ARHGAP29: variants seen among roughly 807,000 people sequenced by gnomAD.
The protein encoded by ARHGAP29 is Rho GTPase activating protein 29, also known as rho GTPase-activating protein 29.
ARHGAP29 carries 43 observed loss-of-function variants against 122.6 expected under a neutral mutation model. That is an observed-to-expected ratio of 0.35 (90% CI 0.27 to 0.45). ARHGAP29 has a LOEUF of 0.45. ARHGAP29 is among the 20% of genes least tolerant of loss of function. The probability of loss-of-function intolerance (pLI) is 1.00; values close to 1 mark genes in which losing one functional copy is unlikely to be tolerated. For missense variants in ARHGAP29, 1,303 were observed against 1,477.2 expected (o/e 0.88, Z 1.93); for synonymous variants, 506 against 497.1 (o/e 1.02, Z -0.24).
intron 12 of ARHGAP29, chr1:94,194,621 A>T (rs1650333047): frequency 6.6e-6 from 1 of 152,200 alleles, no homozygotes; most frequent in Non-Finnish European, 1.5e-5. Flanking sequence ...AAGGGTCATG[A>T]GGGCTCCACC....
chr1:94,213,677 T>C (rs996295899), intron 3 of ARHGAP29, among the ~76,000 whole-genome samples: 6 of 152,146 alleles, frequency 3.9e-5, no homozygotes, highest in Admixed American at 3.9e-4. Flanking sequence ...AGTGGATGGG[T>C]TCCGAAGTCA....
chr1:94,245,365 C>T (rs955854285), intron 1 of ARHGAP29, among the ~76,000 whole-genome samples: 1 of 152,144 alleles, frequency 6.6e-6, no homozygotes, highest in African/African-American at 2.4e-5. Context: ...AACTGTGGTA[C>T]AGCCTTACGA....
At chr1:94,263,734 G>A (rs1303298683) in intron 1 of ARHGAP29, among the ~76,000 whole-genome samples, 2 of 151,964 alleles carry the variant, frequency 1.3e-5, no homozygotes, top group African/African-American at 4.8e-5. Context: ...CTCCTGTGTG[G>A]ATATATGTAA....
intron 1 of ARHGAP29, among the ~76,000 whole-genome samples, chr1:94,252,885 T>C (rs1432059657): frequency 1.3e-5 from 2 of 152,194 alleles, no homozygotes; most frequent in African/African-American, 2.4e-5. Context: ...AAAATACCTG[T>C]AAGATAACAA....
upstream of ARHGAP29, among the ~76,000 whole-genome samples, chr1:94,241,907 G>C (rs1653605147): frequency 6.6e-6 from 1 of 151,622 alleles, no homozygotes; most frequent in South Asian, 2.1e-4. Context: ...AAACAAATGA[G>C]GTAAGCCCCA....
At chr1:94,211,759 TTTA>T (rs898197349) in intron 3 of ARHGAP29, among the ~76,000 whole-genome samples, 6 of 152,112 alleles carry the variant, frequency 3.9e-5, no homozygotes, top group Non-Finnish European at 8.8e-5. Context: ...ATTTTTAAAT[TTTA>T]TTATTATTAT....
the ARHGAP29 span, among the ~76,000 whole-genome samples, chr1:94,293,202 C>G: frequency 5.0e-3 from 768 of 152,348 alleles, 3 homozygotes; most frequent in African/African-American, 0.017. Context: ...TCCTCTCCCC[C>G]CATCAAGGTC....
At chr1:94,252,658 T>G (rs183967925) in intron 1 of ARHGAP29, among the ~76,000 whole-genome samples, 517 of 151,236 alleles carry the variant, frequency 3.4e-3, no homozygotes, top group Non-Finnish European at 5.3e-3. Context: ...AGTTTTAGAG[T>G]AAGGGAAAGG....
chr1:94,237,200 C>G (rs1041898801), intron 1 of ARHGAP29, among the ~76,000 whole-genome samples: 1 of 152,202 alleles, frequency 6.6e-6, no homozygotes, highest in Non-Finnish European at 1.5e-5. Flanking sequence ...CCTCCCTCGC[C>G]GGGCGCGCCC....
chr1:94,215,567 G>A (rs115732750), intron 3 of ARHGAP29, among the ~76,000 whole-genome samples: 130 of 152,104 alleles, frequency 8.5e-4, no homozygotes, highest in African/African-American at 3.0e-3. Flanking sequence ...AATTAGTGGC[G>A]AAAATATGAA....
In ARHGAP29 at chr1:94,174,496, A is replaced by C. The variant is rs1648962763; in HGVS notation, c.3159T>G (p.Phe1053Leu). The C allele has an allele frequency of 5.6e-6, 9 of 1,614,186 alleles. No homozygotes were observed. The highest frequency in any genetic ancestry group is 5.9e-6 in the Non-Finnish European group (7 of 1,180,032). Residue 1053 changes from phenylalanine (F) to leucine (L), a missense_variant, in exon 23 of 23, where the codon TTT (phenylalanine) becomes TTG (leucine). Phe to Leu is a conservative substitution (Grantham distance 22). Transcript: ENST00000260526. The part of the protein sequence containing the change: ...NLDKFCKNPA[F>L]EGVNRKDAAT... ...CAGCGTCTTTTCTATTAACTCCTTC[A>C]AAGGCAGGATTCTTGCAAAACTTGT...
chr1:94,234,401 T>A (rs1249966950), intron 1 of ARHGAP29, among the ~76,000 whole-genome samples: 1 of 152,226 alleles, frequency 6.6e-6, no homozygotes, highest in Non-Finnish European at 1.5e-5. Flanking sequence ...TAAAATGGTA[T>A]GTTTCAAAAA....
At chr1:94,255,568 A>T (rs532743341) in intron 1 of ARHGAP29, among the ~76,000 whole-genome samples, 1 of 152,356 alleles carries the variant, frequency 6.6e-6, no homozygotes, top group South Asian at 2.1e-4. Flanking sequence ...AATTGCCATT[A>T]TCCAACTTGT....
upstream of ARHGAP29, among the ~76,000 whole-genome samples, chr1:94,277,610 G>A (rs1325885620): frequency 3.9e-5 from 6 of 152,152 alleles, no homozygotes; most frequent in Admixed American, 2.6e-4. Flanking sequence ...AAAAAAAATA[G>A]AGGATTATAC....
intron 11 of ARHGAP29, chr1:94,202,187 T>C: frequency 2.1e-6 from 1 of 467,506 alleles, no homozygotes; most frequent in Non-Finnish European, 3.7e-6. Context: ...CTTTTGCCTA[T>C]CCTTGCTATC....
chr1:94,308,665 C>T, the ARHGAP29 span, among the ~76,000 whole-genome samples: 3 of 152,162 alleles, frequency 2.0e-5, no homozygotes, highest in Non-Finnish European at 4.4e-5. Flanking sequence ...CCTCTTAGTC[C>T]AGCCACTGCG....
At chr1:94,250,396 T>A (rs1011279226) in intron 1 of ARHGAP29, 2 of 152,224 alleles carry the variant, frequency 1.3e-5, no homozygotes, top group Non-Finnish European at 2.9e-5. Flanking sequence ...TCAACCATGA[T>A]GAATAATGCC....
chr1:94,189,053 T>C, intron 14 of ARHGAP29, 112 bp from the exon 15 acceptor site: 1 of 1,350,824 alleles, frequency 7.4e-7, no homozygotes, highest in Non-Finnish European at 1.0e-6. Flanking sequence ...TAACCAGTTA[T>C]CAACGTTAAG....
At chr1:94,248,292 C>G (rs1653915011) in intron 1 of ARHGAP29, among the ~76,000 whole-genome samples, 2 of 152,168 alleles carry the variant, frequency 1.3e-5, no homozygotes, top group Admixed American at 6.5e-5. Flanking sequence ...TCGCATGTCC[C>G]CTAACCACGC....
Sources: gnomAD v4.1 joint callset for allele counts (sites outside exome capture counted in the v4.1 genomes callset) on GRCh38, gnomAD v4.1.1 for gene constraint, MANE v1.5 for transcripts, NCBI Gene and HGNC (gene_info 2026-07-23, HGNC 2026-07-21) for gene names.